Variants in NRG1 observed in about 807,000 individuals in gnomAD.
NRG1 encodes pro-neuregulin-1, membrane-bound isoform.
A neutral mutation model predicts 63.8 loss-of-function variants in NRG1; 18 were observed. The observed-to-expected ratio is 0.28, with a 90% CI of 0.19 to 0.42. The LOEUF is 0.42. Ranked by LOEUF, NRG1 falls within the 10% of genes least tolerant of loss-of-function variation. NRG1 has a pLI of 1.00. For missense variants in NRG1, 762 were observed against 814.7 expected (o/e 0.94, Z 0.79); for synonymous variants, 302 against 301.3 (o/e 1.00, Z -0.02).
intron 1 of NRG1, among the ~76,000 whole-genome samples, chr8:31,855,314 T>C (rs986331566): frequency 6.6e-6 from 1 of 152,220 alleles, no homozygotes; most frequent in Non-Finnish European, 1.5e-5. Flanking sequence ...GGTGCATATA[T>C]GTTTAGGATA....
At chr8:31,691,007 A>G (rs981263011) in intron 1 of NRG1, among the ~76,000 whole-genome samples, 2 of 152,198 alleles carry the variant, frequency 1.3e-5, no homozygotes, top group Non-Finnish European at 2.9e-5. Flanking sequence ...GCCTGAGATT[A>G]TCAAATGAGG....
At chr8:31,884,938 G>A (rs1775696798) in intron 1 of NRG1, among the ~76,000 whole-genome samples, 1 of 152,126 alleles carries the variant, frequency 6.6e-6, no homozygotes, top group African/African-American at 2.4e-5. Context: ...AGTGATTTTA[G>A]AGTAACTATG....
At chr8:32,039,304 T>G (rs1251045825) in intron 1 of NRG1, among the ~76,000 whole-genome samples, 1 of 152,200 alleles carries the variant, frequency 6.6e-6, no homozygotes, top group Non-Finnish European at 1.5e-5. Flanking sequence ...TATGTTAGCC[T>G]GCGATTGTTA....
At chr8:32,760,472 C>A in intron 11 of NRG1, 66 bp downstream of exon 11, 1 of 1,601,464 alleles carries the variant, frequency 6.2e-7, no homozygotes, top group East Asian at 2.2e-5. Context: ...TGAGCACCTG[C>A]GGTCTCACCT....
chr8:32,013,869 C>A (rs935650648), intron 1 of NRG1, among the ~76,000 whole-genome samples: 1 of 152,202 alleles, frequency 6.6e-6, no homozygotes, highest in South Asian at 2.1e-4. Context: ...CAGTGCCACA[C>A]AGAAGGTGGG....
chr8:32,162,245 A>T (rs989498559), intron 1 of NRG1, among the ~76,000 whole-genome samples: 43 of 152,312 alleles, frequency 2.8e-4, no homozygotes, highest in African/African-American at 1.0e-3. Flanking sequence ...TCTCAGAAAG[A>T]ATTTTATCTA....
chr8:32,357,587 G>A (rs56282199), intron 1 of NRG1, among the ~76,000 whole-genome samples: 8,581 of 152,182 alleles, frequency 0.056, 317 homozygotes, highest in Middle Eastern at 0.099. Context: ...ACATGATTAC[G>A]TAATTGTGTG....
At chr8:31,894,275 A>G (rs916280039) in intron 1 of NRG1, among the ~76,000 whole-genome samples, 6 of 152,184 alleles carry the variant, frequency 3.9e-5, no homozygotes, top group African/African-American at 9.7e-5. Flanking sequence ...AAAGAATTTA[A>G]TTGCAATATT....
intron 1 of NRG1, among the ~76,000 whole-genome samples, chr8:32,456,951 G>A (rs1265836430): frequency 6.6e-6 from 1 of 152,074 alleles, no homozygotes; most frequent in East Asian, 1.9e-4. Flanking sequence ...GGCCAACATG[G>A]TGAAACCCCA....
intron 1 of NRG1, among the ~76,000 whole-genome samples, chr8:32,401,283 CT>C: frequency 6.6e-6 from 1 of 152,220 alleles, no homozygotes; most frequent in East Asian, 1.9e-4. Flanking sequence ...ACATGTACCC[CT>C]GAACCTAAAA....
At chr8:32,554,445 A>G (rs1487294963) in intron 1 of NRG1, among the ~76,000 whole-genome samples, 3 of 152,226 alleles carry the variant, frequency 2.0e-5, no homozygotes, top group African/African-American at 7.2e-5. Flanking sequence ...TTTACTAAAC[A>G]TAAAGCTGGC....
intron 1 of NRG1, among the ~76,000 whole-genome samples, chr8:32,284,324 C>G (rs987829380): frequency 6.6e-6 from 1 of 152,098 alleles, no homozygotes; most frequent in Non-Finnish European, 1.5e-5. Flanking sequence ...TCCACTGACC[C>G]CACACTCTGC....
At chr8:32,266,586 T>A (rs1359114382) in intron 1 of NRG1, among the ~76,000 whole-genome samples, 2 of 152,154 alleles carry the variant, frequency 1.3e-5, no homozygotes, top group African/African-American at 4.8e-5. Context: ...GCAAGAAATA[T>A]TAAGATTAAG....
intron 1 of NRG1, among the ~76,000 whole-genome samples, chr8:32,405,716 G>A (rs1203435120): frequency 1.3e-5 from 2 of 151,992 alleles, no homozygotes; most frequent in Admixed American, 6.6e-5. Flanking sequence ...TCAAATCTCA[G>A]TTTACAATCA....
chr8:32,241,308 A>G (rs146911595), intron 1 of NRG1, among the ~76,000 whole-genome samples: 4 of 152,204 alleles, frequency 2.6e-5, no homozygotes, highest in African/African-American at 4.8e-5. Flanking sequence ...GTAAAATGCA[A>G]TGCAATAAAT....
At position 32,463,893 on chromosome 8, in the gene NRG1, T is replaced by G. The variant is rs1256420177; in HGVS notation, c.38-131935T>G. ...AGAATTCTTTTTTTTTTTTTTTTTTTTTTTTTTTTTTTTTTTTTTTGGGGG... is the reference window on the plus strand; with the variant it reads ...AGAATTCTTTTTTTTTTTTTTTTTTGTTTTTTTTTTTTTTTTTTTTGGGGG... On this transcript the variant is annotated intron_variant, in intron 1 of 10. Transcript: ENST00000519301. Among the ~76,000 whole-genome samples the G allele has an allele frequency of 5.6e-4, 35 of 62,670 alleles. 1 individual carries two copies. The highest frequency in any genetic ancestry group is 1.5e-3 in the East Asian group (3 of 2,044). 41.1% of individuals were successfully genotyped at this position (62,670 alleles called of 152,430 possible).
chr8:31,732,101 A>G (rs1814140593), intron 1 of NRG1, among the ~76,000 whole-genome samples: 1 of 152,096 alleles, frequency 6.6e-6, no homozygotes, highest in Non-Finnish European at 1.5e-5. Flanking sequence ...GTTTTTTTCC[A>G]TAAAAACAGT....
At chr8:32,210,530 C>A (rs1437626100) in intron 1 of NRG1, among the ~76,000 whole-genome samples, 1 of 152,184 alleles carries the variant, frequency 6.6e-6, no homozygotes, top group Non-Finnish European at 1.5e-5. Context: ...CTTCCCTTAT[C>A]CTCTGCCATG....
chr8:32,008,004 T>C (rs1305387214), intron 1 of NRG1, among the ~76,000 whole-genome samples: 1 of 151,976 alleles, frequency 6.6e-6, no homozygotes, highest in Non-Finnish European at 1.5e-5. Context: ...TCATGAAAGC[T>C]TAAAAAGGCT....
Sources: gnomAD v4.1 joint callset for allele counts (sites outside exome capture counted in the v4.1 genomes callset) on GRCh38, gnomAD v4.1.1 for gene constraint, MANE v1.5 for transcripts, NCBI Gene and HGNC (gene_info 2026-07-23, HGNC 2026-07-21) for gene names.